GNG2: variants seen among roughly 807,000 people sequenced by gnomAD.
GNG2 encodes the protein G protein subunit gamma 2, also known as guanine nucleotide-binding protein G(I)/G(S)/G(O) subunit gamma-2.
A neutral mutation model predicts 5.5 loss-of-function variants in GNG2; 5 were observed. That is an observed-to-expected ratio of 0.91 (90% confidence interval 0.48 to 1.92). The LOEUF (loss-of-function observed/expected upper bound fraction) is 1.92. GNG2 is among the 30% of genes most tolerant of loss of function. The pLI, the probability that GNG2 is intolerant of heterozygous loss-of-function variation, is 0.01. For missense variants in GNG2, 55 were observed against 88.4 expected (o/e 0.62, Z 1.52); for synonymous variants, 28 against 32.0 (o/e 0.88, Z 0.42).
intron 2 of GNG2, among the ~76,000 whole-genome samples, chr14:51,855,032 T>C (rs898217158): frequency 1.3e-5 from 2 of 152,142 alleles, no homozygotes; most frequent in Non-Finnish European, 2.9e-5. Context: ...TGTTTTCTCG[T>C]GAGGGGTTAG....
At chr14:51,920,345 C>A (rs1886941706) in intron 2 of GNG2, among the ~76,000 whole-genome samples, 3 of 151,092 alleles carry the variant, frequency 2.0e-5, no homozygotes. Context: ...ATTTATAATA[C>A]CTAATACAAT....
intron 2 of GNG2, among the ~76,000 whole-genome samples, chr14:51,908,736 A>ACTTT (rs1886111707): frequency 1.1e-5 from 1 of 89,880 alleles, no homozygotes; most frequent in Non-Finnish European, 2.1e-5. Flanking sequence ...CACCCAGCTA[A>ACTTT]TTTTTTTTTT....
At position 51,966,156 on chromosome 14, in the gene GNG2, G is replaced by A. The variant is rs11847426; in HGVS notation, c.88-403G>A. ...ACCCAGGAGGCAGAGGTTGCAGTGA[G>A]CCAAGATCAAGCCACTGCACTCCAG... On this transcript the variant is annotated intron_variant, in intron 3 of 3. Transcript: ENST00000556766. Among the ~76,000 whole-genome samples, 267 of 124,218 alleles carry A rather than the reference G, an allele frequency of 2.1e-3. 2 individuals are homozygous for A. The highest frequency in any genetic ancestry group is 7.9e-3 in the African/African-American group (249 of 31,640). The allele number at this position is 124,218 out of a possible 152,430, so 81.5% of individuals were successfully genotyped here.
Position 51,863,859 on chromosome 14 carries a change from C to T in GNG2, c.-71+3069C>T, listed in dbSNP as rs538944198. On this transcript the variant is annotated intron_variant, in intron 1 of 3. Coordinates refer to ENST00000556766, the MANE Select transcript of GNG2 (RefSeq NM_053064.5). ...ATGTTGTAGCATGTGCTAGAATTTCCTTCCTGTTTAAGCTGAATAATATTC... is the reference window on the plus strand; with the variant it reads ...ATGTTGTAGCATGTGCTAGAATTTCTTTCCTGTTTAAGCTGAATAATATTC... Among the ~76,000 whole-genome samples the T allele has an allele frequency of 4.6e-5, 7 of 152,254 alleles. No individual in the cohort carries two copies. The South Asian group carries it at 1.5e-3, about 32-fold the overall frequency.
chr14:51,883,843 T>C (rs1481411482), intron 2 of GNG2, among the ~76,000 whole-genome samples: 2 of 152,140 alleles, frequency 1.3e-5, no homozygotes, highest in African/African-American at 4.8e-5. Flanking sequence ...GCATACACTA[T>C]ATACTGTGTA....
chr14:51,951,894 A>C (rs961469195), intron 3 of GNG2: 16 of 702,080 alleles, frequency 2.3e-5, no homozygotes, highest in Middle Eastern at 2.3e-4. Flanking sequence ...CAGGAAGTTC[A>C]CTGACCCCTG....
At chr14:51,872,647 C>T (rs1594859635) in intron 1 of GNG2, among the ~76,000 whole-genome samples, 1 of 152,260 alleles carries the variant, frequency 6.6e-6, no homozygotes, top group East Asian at 1.9e-4. Flanking sequence ...TGAGCCATGC[C>T]CATGGCCTTT....
At chr14:51,913,581 A>G (rs1468164900) in intron 2 of GNG2, among the ~76,000 whole-genome samples, 1 of 152,138 alleles carries the variant, frequency 6.6e-6, no homozygotes, top group Non-Finnish European at 1.5e-5. Flanking sequence ...ATAGGATGAG[A>G]GGGCAGTACA....
At chr14:51,857,770 T>G (rs966085503), upstream of GNG2, among the ~76,000 whole-genome samples, 3 of 152,200 alleles carry the variant, frequency 2.0e-5, no homozygotes, top group African/African-American at 7.2e-5. Flanking sequence ...GTTTTGGGAT[T>G]ATTCTTATAT....
chr14:51,908,714 C>T (rs913248839), intron 2 of GNG2, among the ~76,000 whole-genome samples: 3 of 149,718 alleles, frequency 2.0e-5, no homozygotes, highest in South Asian at 2.1e-4. Flanking sequence ...GGATTACAGG[C>T]GTGCGCCACC....
intron 3 of GNG2, among the ~76,000 whole-genome samples, chr14:51,952,341 C>T (rs12431528): frequency 0.033 from 4,975 of 152,262 alleles, 193 homozygotes; most frequent in East Asian, 0.14. Context: ...GCGACCTTAC[C>T]GTGCTCCTTT....
chr14:51,831,365 G>A (rs1275269845), intron 2 of GNG2, among the ~76,000 whole-genome samples: 1 of 152,200 alleles, frequency 6.6e-6, no homozygotes, highest in Non-Finnish European at 1.5e-5. Context: ...ATTATTGCCT[G>A]TATAGATCAC....
intron 2 of GNG2, among the ~76,000 whole-genome samples, chr14:51,923,542 T>C (rs907735496): frequency 4.6e-5 from 6 of 129,154 alleles, no homozygotes; most frequent in Admixed American, 8.6e-5. Flanking sequence ...TATACACATA[T>C]ACACATATAT....
chr14:51,947,530 G>A (rs762212756), intron 2 of GNG2, among the ~76,000 whole-genome samples: 2 of 152,072 alleles, frequency 1.3e-5, no homozygotes, highest in Non-Finnish European at 2.9e-5. Context: ...GCCAAGAAAA[G>A]CTGACAGCCT....
intron 2 of GNG2, among the ~76,000 whole-genome samples, chr14:51,944,573 C>A (rs1888532571): frequency 6.6e-6 from 1 of 152,114 alleles, no homozygotes; most frequent in African/African-American, 2.4e-5. Context: ...ACCTTTTCAA[C>A]AAATCATGAT....
intron 1 of GNG2, among the ~76,000 whole-genome samples, chr14:51,864,031 G>A (rs1259058515): frequency 1.3e-5 from 2 of 152,186 alleles, no homozygotes; most frequent in African/African-American, 4.8e-5. Flanking sequence ...GAACCCAGAA[G>A]TGAAAATGAT....
chr14:51,886,885 A>G (rs184729253), intron 2 of GNG2, among the ~76,000 whole-genome samples: 7 of 152,328 alleles, frequency 4.6e-5, no homozygotes, highest in Non-Finnish European at 7.4e-5. Flanking sequence ...CAGGTGGAAT[A>G]GGATGGAGAA....
intron 1 of GNG2, among the ~76,000 whole-genome samples, chr14:51,872,083 G>T (rs1883336043): frequency 6.6e-6 from 1 of 152,224 alleles, no homozygotes; most frequent in African/African-American, 2.4e-5. Context: ...GGGTCATACT[G>T]TCAAGACAAC....
At chr14:51,914,079 T>G in intron 2 of GNG2, 2 of 603,810 alleles carry the variant, frequency 3.3e-6, no homozygotes, top group Non-Finnish European at 6.0e-6. Flanking sequence ...GTGTTTTGTT[T>G]GCTTGCTTGC....
Sources: allele counts gnomAD v4.1 joint callset (sites outside exome capture counted in the v4.1 genomes callset), GRCh38; gene constraint gnomAD v4.1.1; transcripts MANE v1.5; gene names NCBI Gene and HGNC (gene_info 2026-07-23, HGNC 2026-07-21).